The following MRPL27 variants were observed in gnomAD, a reference collection of about 807,000 sequenced individuals.
The protein encoded by MRPL27 is large ribosomal subunit protein bL27m.
MRPL27 carries 4 observed loss-of-function variants against 14.6 expected under a neutral mutation model. That is an observed-to-expected ratio of 0.27 (90% CI 0.14 to 0.63). The LOEUF is 0.63. Ranked by LOEUF, MRPL27 falls within the 20% of genes least tolerant of loss-of-function variation. MRPL27 has a pLI of 0.85. For missense variants in MRPL27, 196 were observed against 192.8 expected, an observed-to-expected ratio of 1.02 and a Z score of -0.10; for synonymous variants, 82 against 75.5, an observed-to-expected ratio of 1.09 and a Z score of -0.45.
Position 50,369,674 on chromosome 17 carries a change from T to G in MRPL27, c.240+358A>C, listed in dbSNP as rs1252937612. 5 of 268,412 alleles carry G rather than the reference T, an allele frequency of 1.9e-5. No homozygotes were observed. In the East Asian group the frequency reaches 5.1e-4, roughly 27 times the overall value. The allele number at this position is 268,412 out of a possible 1,614,324, so 16.6% of individuals were successfully genotyped here. A position where few individuals can be genotyped will look rare whatever the true frequency, so the allele number is the denominator to read the frequency against. Reference sequence around the variant, plus strand: ...TAAATTGAAATTAGTTTCCCAAGACTAAAATAATATTTTAAATCACCAGGT... The same window carrying G: ...TAAATTGAAATTAGTTTCCCAAGACGAAAATAATATTTTAAATCACCAGGT... On this transcript the variant is annotated intron_variant, in intron 3 of 3. Transcript: ENST00000225969.
At position 50,373,111 on chromosome 17, in the gene MRPL27, T is replaced by C. The variant is rs963690567; in HGVS notation, c.40+20A>G. On this transcript the variant is annotated intron_variant, in intron 1 of 3. Transcript: ENST00000225969. ...TCTGCCTCCCCGCCTCACCCCGCTC[T>C]GACTACTGCGTCCCATTACCGGCTG... 18 of 1,613,982 alleles carry C rather than the reference T, an allele frequency of 1.1e-5. No homozygotes were observed. The highest frequency in any genetic ancestry group is 1.3e-5 in the African/African-American group (1 of 74,946).
In MRPL27 at chr17:50,370,083, A is replaced by G. The variant is rs372743284; in HGVS notation, c.189T>C (p.Ala63=). The G allele has an allele frequency of 1.2e-6, 2 of 1,612,960 alleles. No individual in the cohort carries two copies. Among genetic ancestry groups the G allele is most frequent in the African/African-American group, 2.7e-5 (2 of 74,824 alleles). The change falls in exon 3 of 4, where the codon GCT becomes GCC. Residue 63 remains alanine (A), a synonymous_variant. Transcript: ENST00000225969. ...GGCGCTGTGTTGCAATGATGTTCCCAGCATGAACATAGTGACCTAGAAGAG... is the reference window on the plus strand; with the variant it reads ...GGCGCTGTGTTGCAATGATGTTCCCGGCATGAACATAGTGACCTAGAAGAG... ...IKKMEGHYVH[A]GNIIATQRHF...
Position 50,370,530 on chromosome 17 carries a change from T to C in MRPL27, c.97A>G (p.Lys33Glu), listed in dbSNP as rs754398861. ...ATALAVRYAS[K>E]KSGGSSKNLG... Reference sequence around the variant, plus strand: ...TTTTTGGAGCTACCACCCGACTTCTTGGATGCGTATCTGACAGCAAGAGCT... The same window carrying C: ...TTTTTGGAGCTACCACCCGACTTCTCGGATGCGTATCTGACAGCAAGAGCT... The change falls in exon 2 of 4, where the codon AAG (lysine) becomes GAG (glutamate). Residue 33 changes from lysine (K) to glutamate (E), a missense_variant. Physicochemically the swap from Lys to Glu is moderately conservative, Grantham distance 56. Transcript: ENST00000225969. The C allele has an allele frequency of 1.2e-6, 2 of 1,614,160 alleles. No individual in the cohort carries two copies. Among genetic ancestry groups the C allele is most frequent in the African/African-American group, 2.7e-5 (2 of 75,028 alleles).
In MRPL27 at chr17:50,367,937, G is replaced by T; in HGVS notation, c.*155C>A. On this transcript the variant is annotated 3_prime_UTR_variant, in exon 4 of 4. Transcript: ENST00000225969. Reference sequence around the variant, plus strand: ...TGGCCCCAGGTCAGGTCTCCCAAAGGGTTTCCCAGCAGTCACTTCAGAGTC... The same window carrying T: ...TGGCCCCAGGTCAGGTCTCCCAAAGTGTTTCCCAGCAGTCACTTCAGAGTC... 1 of 805,336 alleles carries T rather than the reference G, an allele frequency of 1.2e-6. No individual in the cohort carries two copies. Among genetic ancestry groups the T allele is most frequent in the Non-Finnish European group, 1.9e-6 (1 of 514,648 alleles). The allele number at this position is 805,336 out of a possible 1,614,324, so 49.9% of individuals were successfully genotyped here. A position where few individuals can be genotyped will look rare whatever the true frequency, so the allele number is the denominator to read the frequency against.
intron 1 of MRPL27, 138 bp downstream of exon 1, chr17:50,372,993 C>G (rs1247104221): frequency 1.6e-6 from 2 of 1,264,178 alleles, no homozygotes; most frequent in Non-Finnish European, 2.2e-6. Flanking sequence ...GACACCGTCC[C>G]TCAAACCTGG....
intron 3 of MRPL27, chr17:50,369,813 A>T (rs1913073178): frequency 9.7e-6 from 6 of 619,720 alleles, no homozygotes; most frequent in Non-Finnish European, 1.4e-5. Context: ...TGCAAATCCC[A>T]GCAGTCACTT....
At chr17:50,368,360 T>C (rs1172430167) in intron 3 of MRPL27, 62 bp from the exon 4 acceptor site, 2 of 1,547,192 alleles carry the variant, frequency 1.3e-6, no homozygotes, top group Non-Finnish European at 1.8e-6. Context: ...TCCCAGAATT[T>C]TGGGACAGAC....
chr17:50,372,928 T>C, intron 1 of MRPL27: 3 of 661,176 alleles, frequency 4.5e-6, no homozygotes, highest in South Asian at 1.9e-5. Flanking sequence ...GAAAGACAAG[T>C]GCTCTTCAAA....
At position 50,370,439 on chromosome 17, in the gene MRPL27, C is replaced by A. The variant is rs756681233; in HGVS notation, c.172+16G>T. 163 of 1,613,992 alleles carry A rather than the reference C, an allele frequency of 1.0e-4. No individual in the cohort carries two copies. Among genetic ancestry groups the A allele is most frequent in the Non-Finnish European group, 1.3e-4 (156 of 1,180,012 alleles). Reference sequence around the variant, plus strand: ...CAGGGTGCAGCTAGGAAGGGGAAGCCAAGGCACATCCTCACCTTCCATTTT... The same window carrying A: ...CAGGGTGCAGCTAGGAAGGGGAAGCAAAGGCACATCCTCACCTTCCATTTT... On this transcript the variant is annotated intron_variant, in intron 2 of 3. Coordinates refer to ENST00000225969, the MANE Select transcript of MRPL27 (RefSeq NM_016504.3).
At chr17:50,373,029 T>A in intron 1 of MRPL27, 102 bp downstream of exon 1, 1 of 1,522,828 alleles carries the variant, frequency 6.6e-7, no homozygotes, top group South Asian at 1.2e-5. Context: ...TCCCCTCGCA[T>A]CCAAGGTCCT....
chr17:50,370,049 A>G lies in MRPL27; in HGVS notation c.223T>C (p.Trp75Arg). 1 of 1,613,956 alleles carries G rather than the reference A, an allele frequency of 6.2e-7. No homozygotes were observed. The highest frequency in any genetic ancestry group is 8.5e-7 in the Non-Finnish European group (1 of 1,179,968). ...NIIATQRHFR[W>R]HPGAHVGVGK... ...CAACTCACATGGGCACCTGGGTGCC[A>G]GCGGAAATGGCGCTGTGTTGCAATG... The change falls in exon 3 of 4, where the codon TGG (tryptophan) becomes CGG (arginine). Residue 75 changes from tryptophan (W) to arginine (R), a missense_variant. Trp to Arg is a moderately radical substitution (Grantham distance 101). Transcript: ENST00000225969.
At chr17:50,369,003 TTC>T (rs936363437) in intron 3 of MRPL27, 1 of 635,726 alleles carries the variant, frequency 1.6e-6, no homozygotes, top group Admixed American at 2.6e-5. Flanking sequence ...TCCAGCATTA[TTC>T]TCTGTCTCTC....
intron 3 of MRPL27, chr17:50,369,748 AG>A (rs2143274615): frequency 2.1e-6 from 1 of 474,702 alleles, no homozygotes; most frequent in South Asian, 2.9e-5. Context: ...CAAGAATACC[AG>A]GCCAATGCAA....
chr17:50,368,033 G>A lies in MRPL27; in HGVS notation c.*59C>T. ...GTCGCCACCCCAACCCTTGACTTCT[G>A]GTATCACCATCTCCTGTCACCTGGG... On this transcript the variant is annotated 3_prime_UTR_variant, in exon 4 of 4. Coordinates refer to ENST00000225969, the MANE Select transcript of MRPL27 (RefSeq NM_016504.3). 1 of 1,587,276 alleles carries A rather than the reference G, an allele frequency of 6.3e-7. No homozygotes were observed. Among genetic ancestry groups the A allele is most frequent in the South Asian group, 1.1e-5 (1 of 89,106 alleles).
chr17:50,372,944 T>G (rs1430227497), intron 1 of MRPL27, 187 bp downstream of exon 1: 4 of 752,118 alleles, frequency 5.3e-6, no homozygotes, highest in Non-Finnish European at 8.5e-6. Context: ...TCAAACGCCC[T>G]CACTCACGGC....
intron 2 of MRPL27, 91 bp downstream of exon 2, chr17:50,370,364 C>T: frequency 6.3e-7 from 1 of 1,584,104 alleles, no homozygotes; most frequent in Non-Finnish European, 8.6e-7. Flanking sequence ...TAAGGAAGAA[C>T]AGGGCCAGGC....
intron 1 of MRPL27, chr17:50,370,814 A>G: frequency 4.1e-6 from 2 of 490,718 alleles, no homozygotes; most frequent in Non-Finnish European, 7.4e-6. Context: ...AAAAAAATAA[A>G]CATCATGTGT....
chr17:50,371,323 A>C (rs1294567031), intron 1 of MRPL27, among the ~76,000 whole-genome samples: 1 of 152,112 alleles, frequency 6.6e-6, no homozygotes, highest in Non-Finnish European at 1.5e-5. Context: ...AACCAAAAGG[A>C]TGGCTGGCCT....
chr17:50,370,154 T>A lies in MRPL27; in HGVS notation c.173-55A>T, dbSNP rs895633282. 9 of 1,534,432 alleles carry A rather than the reference T, an allele frequency of 5.9e-6. No homozygotes were observed. The highest frequency in any genetic ancestry group is 1.9e-5 in the Admixed American group (1 of 51,704). Reference sequence around the variant, plus strand: ...AGCATAGCAAACTACCAAGAAAACATGATGGCCCAAATGCTGCACACCAAC... The same window carrying A: ...AGCATAGCAAACTACCAAGAAAACAAGATGGCCCAAATGCTGCACACCAAC... On this transcript the variant is annotated intron_variant, in intron 2 of 3. Transcript: ENST00000225969.
Sources: gnomAD v4.1 joint callset for allele counts (sites outside exome capture counted in the v4.1 genomes callset) on GRCh38, gnomAD v4.1.1 for gene constraint, MANE v1.5 for transcripts, NCBI Gene and HGNC (gene_info 2026-07-23, HGNC 2026-07-21) for gene names.